Variants in CNTNAP2 observed in about 807,000 individuals in gnomAD.
CNTNAP2 encodes contactin-associated protein-like 2.
A neutral mutation model predicts 155.2 loss-of-function variants in CNTNAP2; 98 were observed. The observed-to-expected ratio is 0.63, with a 90% CI of 0.54 to 0.75. CNTNAP2 has a LOEUF of 0.75. CNTNAP2 is among the 30% of genes least tolerant of loss of function. The pLI is 0.00. For synonymous variants in CNTNAP2, 651 were observed against 631.2 expected (o/e 1.03, Z -0.47); for missense variants, 1,727 against 1,688.1 (o/e 1.02, Z -0.40).
chr7:147,895,249 C>T (rs908012576), intron 13 of CNTNAP2, among the ~76,000 whole-genome samples: 1 of 152,170 alleles, frequency 6.6e-6, no homozygotes, highest in African/African-American at 2.4e-5. Context: ...GTTGGGACTA[C>T]AGGCGTGAGC....
At chr7:147,668,906 C>G (rs1313779844) in intron 13 of CNTNAP2, among the ~76,000 whole-genome samples, 2 of 152,104 alleles carry the variant, frequency 1.3e-5, no homozygotes, top group African/African-American at 4.8e-5. Flanking sequence ...TCACTCAGAG[C>G]AACTTCCAGT....
rs183230254 is a variant in CNTNAP2, at chr7:147,518,805, C to T, written c.1777+32764C>T. Among the ~76,000 whole-genome samples the T allele has an allele frequency of 4.3e-3, 656 of 152,006 alleles. 6 individuals carry two copies. Among genetic ancestry groups the T allele is most frequent in the African/African-American group, 0.015 (606 of 41,458 alleles). On this transcript the variant is annotated intron_variant, in intron 11 of 23. Coordinates refer to ENST00000361727, the MANE Select transcript of CNTNAP2 (RefSeq NM_014141.6). The stretch of plus-strand genomic sequence containing the variant: ...CAGCACTTTGGGAGGGCAAGGCGGG[C>T]GGATCACCTGAGGTCAGGAGTTCTA...
At chr7:147,809,816 A>C (rs1432847742) in intron 13 of CNTNAP2, among the ~76,000 whole-genome samples, 1 of 152,234 alleles carries the variant, frequency 6.6e-6, no homozygotes, top group East Asian at 1.9e-4. Flanking sequence ...ATTTGTTCTC[A>C]GTTACTTGAA....
chr7:146,396,787 T>C (rs1795634609), intron 1 of CNTNAP2, among the ~76,000 whole-genome samples: 1 of 151,374 alleles, frequency 6.6e-6, no homozygotes, highest in Non-Finnish European at 1.5e-5. Flanking sequence ...ACTAGCATGC[T>C]AAATATTTTA....
At chr7:146,802,892 G>C (rs1419113446) in intron 2 of CNTNAP2, among the ~76,000 whole-genome samples, 2 of 152,110 alleles carry the variant, frequency 1.3e-5, no homozygotes, top group African/African-American at 4.8e-5. Flanking sequence ...TCTGGAACTT[G>C]GAAGAGGATT....
At chr7:148,140,205 C>T (rs1014065210) in intron 16 of CNTNAP2, among the ~76,000 whole-genome samples, 2 of 152,130 alleles carry the variant, frequency 1.3e-5, no homozygotes, top group Admixed American at 6.6e-5. Context: ...GGGTGTGTAA[C>T]AATTTGCATG....
intron 21 of CNTNAP2, among the ~76,000 whole-genome samples, chr7:148,272,743 G>A (rs544177945): frequency 2.0e-5 from 3 of 152,290 alleles, no homozygotes; most frequent in African/African-American, 7.2e-5. Context: ...TACAAGCAAT[G>A]TTACATGGTG....
chr7:147,626,252 A>G (rs1392805679), intron 12 of CNTNAP2, among the ~76,000 whole-genome samples: 3 of 152,144 alleles, frequency 2.0e-5, no homozygotes, highest in East Asian at 3.9e-4. Flanking sequence ...AGCAAGGGCC[A>G]TGCTTGCTTT....
intron 1 of CNTNAP2, among the ~76,000 whole-genome samples, chr7:146,483,510 C>CGTGTGT (rs201996558): frequency 2.1e-5 from 3 of 145,750 alleles, no homozygotes; most frequent in Admixed American, 6.9e-5. Context: ...TGTGTGTGTG[C>CGTGTGT]GTGTGTGTGT....
intron 8 of CNTNAP2, among the ~76,000 whole-genome samples, chr7:147,270,582 G>A (rs997770110): frequency 6.6e-6 from 1 of 152,088 alleles, no homozygotes. Flanking sequence ...TATGTACATC[G>A]CCACCCACCA....
chr7:146,505,501 G>T (rs1797369956), intron 1 of CNTNAP2, among the ~76,000 whole-genome samples: 1 of 152,170 alleles, frequency 6.6e-6, no homozygotes, highest in Non-Finnish European at 1.5e-5. Context: ...AGTTACTGGG[G>T]AGCTCATAAT....
intron 14 of CNTNAP2, among the ~76,000 whole-genome samples, chr7:147,957,865 A>G (rs1268774247): frequency 6.6e-6 from 1 of 151,968 alleles, no homozygotes; most frequent in Non-Finnish European, 1.5e-5. Flanking sequence ...GCTTGAACTC[A>G]GGAGTTGGAG....
At chr7:148,065,298 G>A (rs1403890788) in intron 15 of CNTNAP2, among the ~76,000 whole-genome samples, 1 of 152,132 alleles carries the variant, frequency 6.6e-6, no homozygotes, top group Non-Finnish European at 1.5e-5. Flanking sequence ...GTAAATATCT[G>A]TTAAGTCCAT....
intron 13 of CNTNAP2, among the ~76,000 whole-genome samples, chr7:147,879,719 G>A (rs547922556): frequency 2.0e-5 from 3 of 152,152 alleles, no homozygotes; most frequent in Non-Finnish European, 4.4e-5. Flanking sequence ...ATGGAGATGA[G>A]TGATACTGGA....
intron 10 of CNTNAP2, among the ~76,000 whole-genome samples, chr7:147,467,937 G>C (rs1798148708): frequency 6.6e-6 from 1 of 152,076 alleles, no homozygotes; most frequent in African/African-American, 2.4e-5. Context: ...AGGCTGAAGA[G>C]GGAGGATTGC....
intron 16 of CNTNAP2, among the ~76,000 whole-genome samples, chr7:148,136,398 C>A (rs1804950598): frequency 6.6e-6 from 1 of 151,980 alleles, no homozygotes. Flanking sequence ...CTTGGCACCT[C>A]CTCCTCCTCT....
At chr7:148,409,883 C>T (rs1277935752) in intron 23 of CNTNAP2, among the ~76,000 whole-genome samples, 2 of 92,402 alleles carry the variant, frequency 2.2e-5, no homozygotes, top group African/African-American at 9.7e-5. Context: ...AACCCCGTCT[C>T]TACTAAAAAT....
chr7:148,043,563 T>C (rs1281742651), intron 15 of CNTNAP2, among the ~76,000 whole-genome samples: 2 of 152,358 alleles, frequency 1.3e-5, no homozygotes, highest in East Asian at 3.9e-4. Context: ...AAATCTTTTT[T>C]CTTCGGCTCT....
intron 1 of CNTNAP2, among the ~76,000 whole-genome samples, chr7:146,678,407 T>A (rs1016478648): frequency 1.3e-5 from 2 of 152,144 alleles, no homozygotes; most frequent in Non-Finnish European, 2.9e-5. Context: ...ATTATGATAT[T>A]TATAATTTTC....
Sources: gnomAD v4.1 joint callset for allele counts (sites outside exome capture counted in the v4.1 genomes callset) on GRCh38, gnomAD v4.1.1 for gene constraint, MANE v1.5 for transcripts, NCBI Gene and HGNC (gene_info 2026-07-23, HGNC 2026-07-21) for gene names.